The following VPS53 variants were observed in gnomAD, a reference collection of about 807,000 sequenced individuals.
VPS53 encodes VPS53 subunit of GARP complex.
VPS53 carries 70 observed loss-of-function variants against 107.0 expected under a neutral mutation model. The ratio of observed to expected loss-of-function variants is 0.65; its 90% confidence interval spans 0.54 to 0.80. VPS53 has a LOEUF of 0.80. Ranked by LOEUF, VPS53 falls within the 30% of genes least tolerant of loss-of-function variation. The pLI is 0.00. For missense variants in VPS53, 917 were observed against 1,049.4 expected, an observed-to-expected ratio of 0.87 and a Z score of 1.74; for synonymous variants, 409 against 393.3, an observed-to-expected ratio of 1.04 and a Z score of -0.47.
At chr17:525,641 C>T (rs946350446) in intron 19 of VPS53, among the ~76,000 whole-genome samples, 2 of 151,774 alleles carry the variant, frequency 1.3e-5, no homozygotes, top group Non-Finnish European at 1.5e-5. Context: ...TTGCAGTGAG[C>T]TATGATGGCA....
At chr17:612,421 A>G (rs1286899645) in intron 11 of VPS53, among the ~76,000 whole-genome samples, 1 of 136,254 alleles carries the variant, frequency 7.3e-6, no homozygotes, top group African/African-American at 2.7e-5. Context: ...GAATTCACAC[A>G]GTGAAAACCT....
intron 11 of VPS53, among the ~76,000 whole-genome samples, chr17:605,483 G>C (rs534943595): frequency 3.3e-5 from 5 of 151,106 alleles, no homozygotes; most frequent in Non-Finnish European, 7.4e-5. Flanking sequence ...TGGGGTAAGA[G>C]GGGTGGCGGG....
rs568387577 is a variant in VPS53 at position 689,024 on chromosome 17, C to T, written c.285+8394G>A. On this transcript the variant is annotated intron_variant, in intron 4 of 21. Coordinates refer to ENST00000437048, the MANE Select transcript of VPS53 (RefSeq NM_001128159.3). Reference sequence around the variant, plus strand: ...CGAGGCCATACTCTAAAAGCTCAGTCGCTTTAGCTGTGGTATGTTTTAGTA... The same window carrying T: ...CGAGGCCATACTCTAAAAGCTCAGTTGCTTTAGCTGTGGTATGTTTTAGTA... Among the ~76,000 whole-genome samples, 9 of 152,364 alleles carry T rather than the reference C, an allele frequency of 5.9e-5. No homozygotes were observed. In the South Asian group the frequency reaches 1.7e-3, roughly 28 times the overall value.
At chr17:626,052 A>G (rs1969695635) in intron 10 of VPS53, among the ~76,000 whole-genome samples, 1 of 152,110 alleles carries the variant, frequency 6.6e-6, no homozygotes, top group Non-Finnish European at 1.5e-5. Flanking sequence ...AAAAATACAC[A>G]CACAAAAATT....
intron 13 of VPS53, among the ~76,000 whole-genome samples, chr17:580,895 C>G (rs1032018485): frequency 1.4e-5 from 2 of 147,900 alleles, no homozygotes; most frequent in African/African-American, 2.5e-5. Flanking sequence ...TCGCAGAGAT[C>G]AAGACCTCTA....
intron 6 of VPS53, 24 bp downstream of exon 6, chr17:655,812 CAA>C: frequency 6.3e-7 from 1 of 1,595,922 alleles, no homozygotes; most frequent in Non-Finnish European, 8.6e-7. Flanking sequence ...CCCGTGGCCC[CAA>C]AAGAGAAAGT....
At chr17:695,290 T>C (rs1209570332) in intron 4 of VPS53, among the ~76,000 whole-genome samples, 3 of 152,180 alleles carry the variant, frequency 2.0e-5, no homozygotes, top group Admixed American at 2.0e-4. Context: ...TTCTGATTCC[T>C]TGGTGTATTC....
At chr17:673,987 G>C (rs1444502015) in intron 4 of VPS53, 1 of 152,194 alleles carries the variant, frequency 6.6e-6, no homozygotes, top group Non-Finnish European at 1.5e-5. Flanking sequence ...ACATTGCAAA[G>C]TTCTGCCTAT....
intron 2 of VPS53, among the ~76,000 whole-genome samples, chr17:700,384 A>T (rs1041603114): frequency 6.6e-6 from 1 of 151,724 alleles, no homozygotes; most frequent in Non-Finnish European, 1.5e-5. Flanking sequence ...CTCTACTAAA[A>T]ATACAAAAAA....
At position 510,738 on chromosome 17, in the gene VPS53, C is replaced by G. The variant is rs1376458833; in HGVS notation, c.*8390G>C. On this transcript the variant is annotated 3_prime_UTR_variant, in exon 22 of 22. Coordinates refer to ENST00000437048, the MANE Select transcript of VPS53 (RefSeq NM_001128159.3). The stretch of plus-strand genomic sequence containing the variant: ...TGAATTGCCCAGGCCCTCTCATGAC[C>G]TAAGATACCACATGCAGGCCACACA... 8 of 153,026 alleles carry G rather than the reference C, an allele frequency of 5.2e-5. No homozygotes were observed. The highest frequency in any genetic ancestry group is 1.7e-4 in the African/African-American group (7 of 41,598). 9.5% of individuals were successfully genotyped at this position (153,026 alleles called of 1,614,324 possible).
At chr17:670,057 C>T (rs1032419044) in intron 4 of VPS53, among the ~76,000 whole-genome samples, 11 of 152,150 alleles carry the variant, frequency 7.2e-5, no homozygotes, top group East Asian at 3.8e-4. Flanking sequence ...CTACAGCTTA[C>T]GTCTAAAGGT....
intron 4 of VPS53, among the ~76,000 whole-genome samples, chr17:679,641 A>G (rs1447213523): frequency 6.6e-6 from 1 of 152,236 alleles, no homozygotes; most frequent in African/African-American, 2.4e-5. Flanking sequence ...CAACTCAAGA[A>G]GTGGAAGATG....
At chr17:620,742 C>G (rs556438869) in intron 11 of VPS53, among the ~76,000 whole-genome samples, 6 of 148,596 alleles carry the variant, frequency 4.0e-5, no homozygotes, top group South Asian at 2.1e-4. Context: ...AGTGGCGCAA[C>G]CTTGGCAGCA....
At chr17:587,079 T>C (rs891515130) in intron 12 of VPS53, among the ~76,000 whole-genome samples, 1 of 152,200 alleles carries the variant, frequency 6.6e-6, no homozygotes, top group African/African-American at 2.4e-5. Flanking sequence ...TGTTTGCTTT[T>C]TGAGACAGAG....
chr17:695,950 G>C (rs1363259690), intron 4 of VPS53, among the ~76,000 whole-genome samples: 1 of 152,352 alleles, frequency 6.6e-6, no homozygotes, highest in Non-Finnish European at 1.5e-5. Context: ...AATGCAGCTG[G>C]AGTGCTTGAG....
intron 5 of VPS53, among the ~76,000 whole-genome samples, chr17:659,819 G>C (rs1971372819): frequency 1.3e-5 from 2 of 151,764 alleles, no homozygotes; most frequent in Admixed American, 6.6e-5. Context: ...TCCTTGTTCA[G>C]GCCCTCACTG....
In VPS53 at chr17:638,380, C is replaced by CT. The variant is rs1267605937; in HGVS notation, c.609-6753dup. ...TTGACTCTTGAGCCAATTTGCCAGTCTGTGTCTTTTAATTGGAGCATTTAG... is the reference window on the plus strand; with the variant it reads ...TTGACTCTTGAGCCAATTTGCCAGTCTTGTGTCTTTTAATTGGAGCATTTAG... On this transcript the variant is annotated intron_variant, in intron 7 of 21. Transcript: ENST00000437048. Among the ~76,000 whole-genome samples, 11 of 152,306 alleles carry CT rather than the reference C, an allele frequency of 7.2e-5. No individual in the cohort carries two copies. In the East Asian group the frequency reaches 1.9e-3, roughly 27 times the overall value.
intron 15 of VPS53, among the ~76,000 whole-genome samples, chr17:554,618 G>T (rs1473155892): frequency 6.6e-6 from 1 of 152,144 alleles, no homozygotes; most frequent in East Asian, 1.9e-4. Context: ...AGCCAGGATG[G>T]TCTTGAACTC....
At position 512,760 on chromosome 17, in the gene VPS53, A is replaced by G. The variant is rs1158048957; in HGVS notation, c.*6368T>C. 1.3e-5 allele frequency: 2 copies of G among 152,246 alleles called. No individual in the cohort carries two copies. The highest frequency in any genetic ancestry group is 2.9e-5 in the Non-Finnish European group (2 of 68,044). The allele number at this position is 152,246 out of a possible 1,614,324, so 9.4% of individuals were successfully genotyped here. A position where few individuals can be genotyped will look rare whatever the true frequency, so the allele number is the denominator to read the frequency against. On this transcript the variant is annotated 3_prime_UTR_variant, in exon 22 of 22. Coordinates refer to ENST00000437048, the MANE Select transcript of VPS53 (RefSeq NM_001128159.3). Reference sequence around the variant, plus strand: ...TGGCAAAAACGTCCAACCAGCTACTAAGGAAACAGGATGGACTCATGCGTG... The same window carrying G: ...TGGCAAAAACGTCCAACCAGCTACTGAGGAAACAGGATGGACTCATGCGTG...
Sources: allele counts gnomAD v4.1 joint callset (sites outside exome capture counted in the v4.1 genomes callset), GRCh38; gene constraint gnomAD v4.1.1; transcripts MANE v1.5; gene names NCBI Gene and HGNC (gene_info 2026-07-23, HGNC 2026-07-21).